The following SH3KBP1 variants were observed in gnomAD, a reference collection of about 807,000 sequenced individuals.
The protein encoded by SH3KBP1 is SH3 domain containing kinase binding protein 1.
Under a neutral mutation model 50.1 loss-of-function variants are expected in SH3KBP1, and 8 were observed. The observed-to-expected ratio is 0.16, with a 90% CI of 0.09 to 0.29. SH3KBP1 has a LOEUF of 0.29. Ranked by LOEUF, SH3KBP1 falls within the 10% of genes least tolerant of loss-of-function variation. SH3KBP1 has a pLI of 1.00. For missense variants in SH3KBP1, 377 were observed against 535.2 expected (o/e 0.70, Z 2.92); for synonymous variants, 227 against 218.6 (o/e 1.04, Z -0.34).
chrX:19,855,308 G>C (rs1017381588), intron 1 of SH3KBP1, among the ~76,000 whole-genome samples: 11 of 111,975 alleles, frequency 9.8e-5, no homozygotes, highest in Non-Finnish European at 2.1e-4. Context: ...TAAAGAGTCA[G>C]ATAGTAAGTA....
intron 3 of SH3KBP1, among the ~76,000 whole-genome samples, chrX:19,736,164 C>T (rs1340058392): frequency 8.9e-6 from 1 of 112,147 alleles, no homozygotes; most frequent in Non-Finnish European, 1.9e-5. Flanking sequence ...TGGGGTCTTA[C>T]TAGCAGTTTA....
intron 3 of SH3KBP1, 50 bp from the exon 4 acceptor site, chrX:19,707,034 G>A: frequency 9.8e-7 from 1 of 1,025,125 alleles, no homozygotes; most frequent in Non-Finnish European, 1.4e-6. Flanking sequence ...CCCCAAATCA[G>A]ATTTTAAAGA....
intron 2 of SH3KBP1, among the ~76,000 whole-genome samples, chrX:19,787,954 A>ATGAGT (rs1184709098): frequency 2.2e-4 from 25 of 111,637 alleles, no homozygotes; most frequent in African/African-American, 7.8e-4. Flanking sequence ...AATTGGTGTT[A>ATGAGT]TGAGTTGAAT....
intron 6 of SH3KBP1, among the ~76,000 whole-genome samples, chrX:19,656,077 G>C (rs2148455834): frequency 9.0e-6 from 1 of 111,563 alleles, no homozygotes; most frequent in South Asian, 3.8e-4. Context: ...TGTGTGCAGG[G>C]AATGGGGACT....
chrX:19,571,095 C>T (rs766171475), intron 12 of SH3KBP1, among the ~76,000 whole-genome samples: 24 of 112,335 alleles, frequency 2.1e-4, no homozygotes, highest in Non-Finnish European at 3.4e-4. Context: ...CATCCTCCAC[C>T]GCAGGAGGGG....
At chrX:19,794,242 A>G (rs2066636017) in intron 2 of SH3KBP1, among the ~76,000 whole-genome samples, 1 of 107,656 alleles carries the variant, frequency 9.3e-6, no homozygotes, top group Non-Finnish European at 1.9e-5. Context: ...AAAAAAAAAA[A>G]AAAAAAAAAA....
At chrX:19,694,019 C>T (rs2063356026) in intron 5 of SH3KBP1, among the ~76,000 whole-genome samples, 1 of 112,324 alleles carries the variant, frequency 8.9e-6, no homozygotes, top group Non-Finnish European at 1.9e-5. Context: ...AACCTCCAAG[C>T]AACTGATACT....
At chrX:19,556,511 C>G (rs1435829384) in intron 13 of SH3KBP1, among the ~76,000 whole-genome samples, 1 of 111,401 alleles carries the variant, frequency 9.0e-6, no homozygotes, top group Non-Finnish European at 1.9e-5. Context: ...AGCTGACTCA[C>G]TAACTGAAAT....
intron 2 of SH3KBP1, among the ~76,000 whole-genome samples, chrX:19,819,652 T>C (rs190626589): frequency 2.7e-5 from 3 of 111,805 alleles, no homozygotes; most frequent in Non-Finnish European, 5.6e-5. Context: ...ACCCAGCCTA[T>C]TGGTCTTTAA....
intron 8 of SH3KBP1, among the ~76,000 whole-genome samples, chrX:19,622,445 T>G (rs937591851): frequency 8.9e-6 from 1 of 112,574 alleles, no homozygotes. Context: ...AGTATTACAC[T>G]GAGCAATTTA....
At chrX:19,670,693 A>G (rs1455304145) in intron 6 of SH3KBP1, among the ~76,000 whole-genome samples, 1 of 110,211 alleles carries the variant, frequency 9.1e-6, no homozygotes, top group African/African-American at 3.3e-5. Flanking sequence ...GTTCCTCCTC[A>G]GCTTATCCAT....
At chrX:19,733,319 T>G (rs1358630065) in intron 3 of SH3KBP1, among the ~76,000 whole-genome samples, 1 of 110,160 alleles carries the variant, frequency 9.1e-6, no homozygotes, top group East Asian at 2.8e-4. Context: ...CCATACAATA[T>G]ATTAAAATAT....
chrX:19,657,221 T>A (rs1457865867), intron 6 of SH3KBP1, among the ~76,000 whole-genome samples: 2 of 108,521 alleles, frequency 1.8e-5, no homozygotes, highest in Non-Finnish European at 3.8e-5. Flanking sequence ...TACTAAAAAA[T>A]TCCAAAAAAT....
At chrX:19,878,505 TGAGAGAGAGAGA>T (rs57445899) in intron 1 of SH3KBP1, among the ~76,000 whole-genome samples, 11 of 48,252 alleles carry the variant, frequency 2.3e-4, no homozygotes, top group Non-Finnish European at 4.6e-4. Flanking sequence ...TGTGTGTGTG[TGAGAGAGAGAGA>T]GAGAGAGAGA....
intron 2 of SH3KBP1, among the ~76,000 whole-genome samples, chrX:19,833,388 G>T (rs1209580651): frequency 1.0e-5 from 1 of 98,805 alleles, no homozygotes; most frequent in East Asian, 3.3e-4. Flanking sequence ...CCTTCCCACA[G>T]TCCTCCTTCC....
chrX:19,857,636 C>T (rs907747099), intron 1 of SH3KBP1, among the ~76,000 whole-genome samples: 3 of 111,070 alleles, frequency 2.7e-5, no homozygotes, highest in Non-Finnish European at 5.7e-5. Flanking sequence ...GCAGGAGAAT[C>T]GCTTGAACCT....
At chrX:19,777,153 T>C (rs1249355080) in intron 2 of SH3KBP1, among the ~76,000 whole-genome samples, 1 of 111,279 alleles carries the variant, frequency 9.0e-6, no homozygotes, top group East Asian at 2.8e-4. Context: ...GACAATGCAA[T>C]TTGAGGAACC....
intron 1 of SH3KBP1, among the ~76,000 whole-genome samples, chrX:19,838,577 G>A (rs942894558): frequency 8.1e-5 from 9 of 111,720 alleles, no homozygotes; most frequent in Admixed American, 6.7e-4. Flanking sequence ...TAGACAACAC[G>A]AGGCCAAGTG....
intron 1 of SH3KBP1, among the ~76,000 whole-genome samples, chrX:19,858,005 C>A (rs955290416): frequency 9.1e-6 from 1 of 109,558 alleles, no homozygotes; most frequent in African/African-American, 3.3e-5. Context: ...ATGGCGAAAC[C>A]CTGTCTCTAC....
Sources: gnomAD v4.1 joint callset for allele counts (sites outside exome capture counted in the v4.1 genomes callset) on GRCh38, gnomAD v4.1.1 for gene constraint, MANE v1.5 for transcripts, NCBI Gene and HGNC (gene_info 2026-07-23, HGNC 2026-07-21) for gene names.